The following AFF1 variants were observed in gnomAD, a reference collection of about 807,000 sequenced individuals.
AFF1 encodes ALF transcription elongation factor 1.
In AFF1, 48 loss-of-function variants were observed where a neutral mutation model predicts 121.7. The ratio of observed to expected loss-of-function variants is 0.39; its 90% CI spans 0.31 to 0.50. The LOEUF (loss-of-function observed/expected upper bound fraction) is 0.50, where lower values mean the gene tolerates loss of function less well. AFF1 is among the 20% of genes least tolerant of loss of function. The pLI is 0.76. For synonymous variants in AFF1, 613 were observed against 563.0 expected (o/e 1.09, Z -1.26); for missense variants, 1,523 against 1,511.7 (o/e 1.01, Z -0.12).
chr4:87,118,221 T>G (rs952427370), intron 12 of AFF1, among the ~76,000 whole-genome samples: 6 of 152,210 alleles, frequency 3.9e-5, no homozygotes, highest in African/African-American at 1.4e-4. Context: ...ACTTCAGACT[T>G]AAAAGTGTAT....
intron 18 of AFF1, 96 bp downstream of exon 18, chr4:87,131,960 T>C: frequency 8.9e-7 from 1 of 1,128,320 alleles, no homozygotes; most frequent in East Asian, 2.8e-5. Flanking sequence ...AATGTGAAAA[T>C]TATGAAAAGC....
chr4:86,993,894 G>A (rs543277661), intron 2 of AFF1, among the ~76,000 whole-genome samples: 124 of 152,314 alleles, frequency 8.1e-4, no homozygotes, highest in African/African-American at 2.9e-3. Flanking sequence ...AACCCAGGAG[G>A]TGGAGGTTTG....
At chr4:87,077,144 C>A (rs186635079) in intron 4 of AFF1, among the ~76,000 whole-genome samples, 1 of 152,092 alleles carries the variant, frequency 6.6e-6, no homozygotes, top group South Asian at 2.1e-4. Context: ...AAAAGGAGAG[C>A]GAGAATAAAA....
chr4:87,126,948 A>G lies in AFF1; in HGVS notation c.2812-78A>G, dbSNP rs186412931. ...TTTTTTGAAACTACTATTTCGGGCT[A>G]TTTAAGAGGGATGGTACTTTTAGGA... On this transcript the variant is annotated intron_variant, in intron 14 of 20. Coordinates refer to ENST00000395146, the MANE Select transcript of AFF1 (RefSeq NM_001166693.3). 213 of 1,286,248 alleles carry G rather than the reference A, an allele frequency of 1.7e-4. 1 individual carries two copies. Among genetic ancestry groups the G allele is most frequent in the African/African-American group, 1.3e-3 (92 of 68,284 alleles). The allele number at this position is 1,286,248 out of a possible 1,614,324, so 79.7% of individuals were successfully genotyped here.
chr4:86,969,752 T>C (rs1722797124), intron 2 of AFF1, among the ~76,000 whole-genome samples: 2 of 150,934 alleles, frequency 1.3e-5, no homozygotes, highest in African/African-American at 2.4e-5. Context: ...CCGGGGCGGG[T>C]GCCTATAGTC....
chr4:87,053,787 A>G (rs1731492000), intron 4 of AFF1, among the ~76,000 whole-genome samples: 1 of 152,266 alleles, frequency 6.6e-6, no homozygotes, highest in Non-Finnish European at 1.5e-5. Flanking sequence ...ACATTAGTCA[A>G]GTAATCACTC....
chr4:87,065,565 G>A (rs1357762175), intron 4 of AFF1, among the ~76,000 whole-genome samples: 2 of 151,778 alleles, frequency 1.3e-5, no homozygotes, highest in East Asian at 3.9e-4. Context: ...AGTACAAGTA[G>A]TATTATGACG....
At chr4:87,116,225 G>A (rs1727109194) in intron 12 of AFF1, among the ~76,000 whole-genome samples, 1 of 152,216 alleles carries the variant, frequency 6.6e-6, no homozygotes. Context: ...AATTTTGGAA[G>A]ATTCTTTTGG....
chr4:87,038,044 G>A (rs1729743620), intron 2 of AFF1, among the ~76,000 whole-genome samples: 1 of 152,182 alleles, frequency 6.6e-6, no homozygotes, highest in Non-Finnish European at 1.5e-5. Context: ...GTAGCAGAGA[G>A]TGCTAATGCA....
intron 2 of AFF1, among the ~76,000 whole-genome samples, chr4:86,958,351 A>G (rs1402929909): frequency 6.6e-6 from 1 of 151,830 alleles, no homozygotes; most frequent in East Asian, 1.9e-4. Context: ...TCAGCCTCCC[A>G]AAGTGCTGGG....
chr4:87,022,576 ATATATATCTATCTATATC>A (rs1381269526), intron 2 of AFF1, among the ~76,000 whole-genome samples: 2,287 of 84,880 alleles, frequency 0.027, 51 homozygotes, highest in East Asian at 0.048. Flanking sequence ...ATATATATAT[ATATATATCTATCTATATC>A]TATCTGTGTG....
intron 11 of AFF1, among the ~76,000 whole-genome samples, chr4:87,112,264 T>C (rs987290354): frequency 2.0e-5 from 3 of 152,218 alleles, no homozygotes; most frequent in Admixed American, 6.5e-5. Flanking sequence ...TCTTAGAATA[T>C]TGAATACGGA....
chr4:87,025,747 C>T (rs1728467008), intron 2 of AFF1, among the ~76,000 whole-genome samples: 1 of 152,160 alleles, frequency 6.6e-6, no homozygotes, highest in Admixed American at 6.5e-5. Flanking sequence ...ATTACCTGGC[C>T]CCAAGTGTCA....
chr4:87,013,544 G>A (rs112675979), intron 2 of AFF1, among the ~76,000 whole-genome samples: 1 of 152,072 alleles, frequency 6.6e-6, no homozygotes, highest in African/African-American at 2.4e-5. Context: ...ATTCTAAAAA[G>A]TACCAAGAAT....
At chr4:87,097,524 A>ACACG (rs1353685154) in intron 8 of AFF1, among the ~76,000 whole-genome samples, 1 of 152,230 alleles carries the variant, frequency 6.6e-6, no homozygotes, top group Non-Finnish European at 1.5e-5. Flanking sequence ...ATATCTTGTG[A>ACACG]CACGTAGTGT....
chr4:87,046,667 T>A, intron 3 of AFF1, 28 bp from the exon 4 acceptor site: 1 of 1,574,340 alleles, frequency 6.4e-7, no homozygotes. Context: ...TAGTTTTTTT[T>A]CATTCTCAAA....
chr4:87,066,599 CAAAAACAAAAACAGGT>C (rs778827147), intron 4 of AFF1, among the ~76,000 whole-genome samples: 4 of 104,690 alleles, frequency 3.8e-5, no homozygotes, highest in Non-Finnish European at 9.4e-5. Flanking sequence ...AAAACAAAAA[CAAAAACAAAAACAGGT>C]AGGGAGAGAC....
chr4:87,039,420 A>G (rs1729886265), intron 2 of AFF1, among the ~76,000 whole-genome samples: 1 of 152,194 alleles, frequency 6.6e-6, no homozygotes, highest in Admixed American at 6.5e-5. Context: ...ACCTTTCTGA[A>G]AGTGAGAGCA....
rs1282911038 is a variant in AFF1 at position 86,935,144 on chromosome 4, G to C, written c.-133G>C. 6.6e-6 allele frequency: 1 copy of C among 152,282 alleles called. No individual in the cohort carries two copies. The highest frequency in any genetic ancestry group is 1.5e-5 in the Non-Finnish European group (1 of 68,082). The allele number at this position is 152,282 out of a possible 1,614,324, so 9.4% of individuals were successfully genotyped here. Reference sequence around the variant, plus strand: ...CCGGGAGGAGGCGCTCCCCTGCGTCGTCCGCACTTGCGCCCTTTCCCACCG... The same window carrying C: ...CCGGGAGGAGGCGCTCCCCTGCGTCCTCCGCACTTGCGCCCTTTCCCACCG... On this transcript the variant is annotated 5_prime_UTR_variant, in exon 1 of 21. Coordinates refer to ENST00000395146, the MANE Select transcript of AFF1 (RefSeq NM_001166693.3).
Sources: allele counts gnomAD v4.1 joint callset (sites outside exome capture counted in the v4.1 genomes callset), GRCh38; gene constraint gnomAD v4.1.1; transcripts MANE v1.5; gene names NCBI Gene and HGNC (gene_info 2026-07-23, HGNC 2026-07-21).